The following RUFY1 variants were observed in gnomAD, a reference collection of about 807,000 sequenced individuals.
The protein encoded by RUFY1 is RUN and FYVE domain containing 1.
A neutral mutation model predicts 94.6 loss-of-function variants in RUFY1; 54 were observed. The observed-to-expected ratio is 0.57, with a 90% confidence interval of 0.46 to 0.72. The LOEUF (loss-of-function observed/expected upper bound fraction) is 0.72, where lower values mean the gene tolerates loss of function less well. Ranked by LOEUF, RUFY1 falls within the 30% of genes least tolerant of loss-of-function variation. RUFY1 has a pLI of 0.00. For synonymous variants in RUFY1, 396 were observed against 347.3 expected, an observed-to-expected ratio of 1.14 and a Z score of -1.56; for missense variants, 883 against 883.9, an observed-to-expected ratio of 1.00 and a Z score of 0.01.
chr5:179,582,233 A>G (rs1257169374), intron 7 of RUFY1, among the ~76,000 whole-genome samples: 1 of 151,888 alleles, frequency 6.6e-6, no homozygotes, highest in Non-Finnish European at 1.5e-5. Context: ...ATTTTTTATT[A>G]TGATTTTTTG....
intron 15 of RUFY1, among the ~76,000 whole-genome samples, chr5:179,605,366 T>C (rs933016851): frequency 2.0e-5 from 3 of 151,968 alleles, no homozygotes; most frequent in Admixed American, 6.5e-5. Flanking sequence ...ATTTAGACCA[T>C]GTTCAGTCCT....
Position 179,609,528 on chromosome 5 carries a change from C to G in RUFY1, c.*9C>G. On this transcript the variant is annotated 3_prime_UTR_variant, in exon 18 of 18. Transcript: ENST00000319449. ...CCTCCACGGCCTCCTGAACGTCCGT[C>G]CTCAGGAGCACAGCCTCACGGACAG... is the stretch of plus-strand genomic sequence containing the variant. 5 of 1,594,054 alleles carry G rather than the reference C, an allele frequency of 3.1e-6. No individual in the cohort carries two copies. Among genetic ancestry groups the G allele is most frequent in the Non-Finnish European group, 4.3e-6 (5 of 1,174,348 alleles).
chr5:179,569,717 T>A (rs1763080242), intron 5 of RUFY1, among the ~76,000 whole-genome samples: 1 of 151,922 alleles, frequency 6.6e-6, no homozygotes, highest in Non-Finnish European at 1.5e-5. Context: ...AGTTAGGCCA[T>A]TGGTGCTATG....
chr5:179,603,279 A>C lies in RUFY1; in HGVS notation c.1856+1293A>C, dbSNP rs531702174. ...AGAATCCATCTCAAAAAAAAAAAACAAATAGCTGGTCAGGGAATCTGATGT... is the reference window on the plus strand; with the variant it reads ...AGAATCCATCTCAAAAAAAAAAAACCAATAGCTGGTCAGGGAATCTGATGT... On this transcript the variant is annotated intron_variant, in intron 15 of 17. Coordinates refer to ENST00000319449, the MANE Select transcript of RUFY1 (RefSeq NM_025158.5). 2.4e-3 allele frequency among the ~76,000 whole-genome samples: 360 copies of C among 151,330 alleles called. 1 individual carries two copies. Among genetic ancestry groups the C allele is most frequent in the African/African-American group, 8.2e-3 (339 of 41,246 alleles).
At chr5:179,576,288 T>C (rs1298461886) in intron 5 of RUFY1, among the ~76,000 whole-genome samples, 2 of 152,216 alleles carry the variant, frequency 1.3e-5, no homozygotes, top group Non-Finnish European at 2.9e-5. Context: ...TGTTTAGATG[T>C]GTAAGGGGTC....
At chr5:179,569,551 G>A (rs1763067961) in intron 5 of RUFY1, 126 bp downstream of exon 5, 3 of 913,238 alleles carry the variant, frequency 3.3e-6, no homozygotes. Context: ...GAGGACCCCA[G>A]GGATGCAGCT....
At chr5:179,555,394 A>G (rs753784575) in intron 1 of RUFY1, among the ~76,000 whole-genome samples, 22 of 152,156 alleles carry the variant, frequency 1.4e-4, no homozygotes, top group Non-Finnish European at 3.1e-4. Flanking sequence ...CAAGGTCACA[A>G]AGCCAGTAAA....
chr5:179,559,646 A>G (rs578117957), intron 1 of RUFY1: 2 of 1,007,456 alleles, frequency 2.0e-6, no homozygotes, highest in African/African-American at 3.5e-5. Context: ...ACGCCCTCTA[A>G]GAGCTTGGGG....
chr5:179,608,316 T>TA (rs1476029030), intron 17 of RUFY1: 1 of 985,558 alleles, frequency 1.0e-6, no homozygotes, highest in African/African-American at 1.7e-5. Flanking sequence ...AAGCCACAGC[T>TA]ACCCCACCCG....
chr5:179,564,095 A>G (rs1475578106), intron 3 of RUFY1, among the ~76,000 whole-genome samples: 1 of 149,440 alleles, frequency 6.7e-6, no homozygotes, highest in Non-Finnish European at 1.5e-5. Context: ...TAAAGCACCT[A>G]CACAGACGGC....
In RUFY1 at chr5:179,565,943, AC is replaced by A. The variant is rs1038481097; in HGVS notation, c.603-1516del. Among the ~76,000 whole-genome samples the A allele has an allele frequency of 1.9e-4, 29 of 152,012 alleles. 1 individual carries two copies. Among genetic ancestry groups the A allele is most frequent in the African/African-American group, 6.3e-4 (26 of 41,460 alleles). On this transcript the variant is annotated intron_variant, in intron 3 of 17. Transcript: ENST00000319449. ...GAATGCTTGAGCCCAGGAGTTTGAA[AC>A]CAGCCTGGACAATGTGGCAAAACCC...
At chr5:179,603,667 T>C (rs1766699180) in intron 15 of RUFY1, 1 of 152,310 alleles carries the variant, frequency 6.6e-6, no homozygotes, top group Non-Finnish European at 1.5e-5. Flanking sequence ...CAGCCAGTGT[T>C]TTCCTCTTTA....
At chr5:179,559,728 G>A in intron 1 of RUFY1, 5 of 1,089,632 alleles carry the variant, frequency 4.6e-6, no homozygotes, top group Non-Finnish European at 5.6e-6. Flanking sequence ...AGCCAAACGC[G>A]GCGAGTCTTG....
intron 3 of RUFY1, among the ~76,000 whole-genome samples, chr5:179,565,335 C>G (rs1372839435): frequency 1.3e-5 from 2 of 152,000 alleles, no homozygotes; most frequent in Non-Finnish European, 2.9e-5. Flanking sequence ...TGAGCCACCA[C>G]ACCCAGCTAT....
intron 8 of RUFY1, 55 bp from the exon 9 acceptor site, chr5:179,589,491 T>G (rs754885486): frequency 2.1e-5 from 24 of 1,129,930 alleles, no homozygotes; most frequent in Admixed American, 3.6e-5. Flanking sequence ...TGTTTTTAAT[T>G]TGAACAATAA....
At chr5:179,583,012 A>C (rs1764281539) in intron 7 of RUFY1, among the ~76,000 whole-genome samples, 1 of 151,970 alleles carries the variant, frequency 6.6e-6, no homozygotes, top group South Asian at 2.1e-4. Flanking sequence ...CCCCTTGTGA[A>C]TATGAAGCAG....
At chr5:179,580,344 G>A (rs1301503248) in intron 6 of RUFY1, among the ~76,000 whole-genome samples, 3 of 150,922 alleles carry the variant, frequency 2.0e-5, no homozygotes, top group Non-Finnish European at 3.0e-5. Flanking sequence ...CCGGGTTCAC[G>A]CCATTCTCCT....
intron 1 of RUFY1, among the ~76,000 whole-genome samples, chr5:179,552,230 G>T (rs1761901754): frequency 6.7e-6 from 1 of 149,096 alleles, no homozygotes; most frequent in African/African-American, 2.5e-5. Context: ...ATGCTCAGTA[G>T]CCTGTGTGTG....
chr5:179,594,552 G>A (rs1266673014), intron 11 of RUFY1, among the ~76,000 whole-genome samples: 1 of 147,032 alleles, frequency 6.8e-6, no homozygotes, highest in Non-Finnish European at 1.5e-5. Flanking sequence ...ACGACGTCAG[G>A]TGTTCGAGAC....
Sources: allele counts gnomAD v4.1 joint callset (sites outside exome capture counted in the v4.1 genomes callset), GRCh38; gene constraint gnomAD v4.1.1; transcripts MANE v1.5; gene names NCBI Gene and HGNC (gene_info 2026-07-23, HGNC 2026-07-21).